DIS3L: variants seen among roughly 807,000 people sequenced by gnomAD.
DIS3L encodes DIS3-like exonuclease 1.
DIS3L carries 100 observed loss-of-function variants against 120.3 expected under a neutral mutation model. The observed-to-expected ratio is 0.83, with a 90% CI of 0.71 to 0.98. The LOEUF is 0.98. Ranked by LOEUF, DIS3L falls within the 50% of genes least tolerant of loss-of-function variation. DIS3L has a pLI of 0.00. For missense variants in DIS3L, 1,196 were observed against 1,314.2 expected, an observed-to-expected ratio of 0.91 and a Z score of 1.39; for synonymous variants, 426 against 470.6, an observed-to-expected ratio of 0.91 and a Z score of 1.23.
intron 12 of DIS3L, among the ~76,000 whole-genome samples, chr15:66,328,651 G>C (rs2092963721): frequency 6.6e-6 from 1 of 152,170 alleles, no homozygotes. Context: ...GAATGTTTAA[G>C]GTTAAGGATG....
chr15:66,327,011 C>A (rs2092946216), intron 12 of DIS3L, among the ~76,000 whole-genome samples: 1 of 151,708 alleles, frequency 6.6e-6, no homozygotes, highest in East Asian at 1.9e-4. Context: ...CTCACTGCAA[C>A]CTCCGCCTCC....
rs772112946 is a variant in DIS3L, at chr15:66,323,466, G to A, written c.1575-27G>A. The A allele has an allele frequency of 1.1e-5, 18 of 1,612,068 alleles. No homozygotes were observed. The Middle Eastern group carries it at 8.7e-4, about 78-fold the overall frequency. Reference sequence around the variant, plus strand: ...GTTCTGCTTCTCCCTGCTAAAGGTCGCGTTGCCGCGTGTGTGTCATTCACA... The same window carrying A: ...GTTCTGCTTCTCCCTGCTAAAGGTCACGTTGCCGCGTGTGTGTCATTCACA... On this transcript the variant is annotated intron_variant, in intron 10 of 16. Transcript: ENST00000319212.
intron 1 of DIS3L, 140 bp downstream of exon 1, chr15:66,293,875 C>T: frequency 4.7e-6 from 4 of 856,034 alleles, no homozygotes; most frequent in Non-Finnish European, 5.1e-6. Flanking sequence ...GCTCGCCGGC[C>T]TCACCCCCCG....
At chr15:66,299,445 C>T (rs2092623501) in intron 2 of DIS3L, among the ~76,000 whole-genome samples, 1 of 151,350 alleles carries the variant, frequency 6.6e-6, no homozygotes, top group African/African-American at 2.4e-5. Context: ...ACTCAGGAGG[C>T]TGAGGTGGGA....
chr15:66,305,137 A>G (rs556043513), intron 2 of DIS3L, among the ~76,000 whole-genome samples: 1 of 149,666 alleles, frequency 6.7e-6, no homozygotes, highest in East Asian at 2.0e-4. Flanking sequence ...AGTAGCTGGG[A>G]CTACAGGCAC....
At chr15:66,296,673 G>A (rs1387269326) in intron 2 of DIS3L, among the ~76,000 whole-genome samples, 3 of 151,936 alleles carry the variant, frequency 2.0e-5, no homozygotes, top group Admixed American at 6.6e-5. Context: ...ACAGGTGCAC[G>A]CCACCACGCC....
chr15:66,316,558 G>A (rs1465845401), intron 7 of DIS3L, among the ~76,000 whole-genome samples: 2 of 152,162 alleles, frequency 1.3e-5, no homozygotes, highest in South Asian at 2.1e-4. Context: ...GCTCATGCCT[G>A]TAATCCCAGC....
In DIS3L at chr15:66,328,987, C is replaced by T. The variant is rs372229333; in HGVS notation, c.2219C>T (p.Ala740Val). ...FIDTRSNKTL[A>V]DSLDNANDPH... ...TTTGTCAGGTCCAATAAAACACTGG[C>T]TGATTCTCTGGATAATGCGAACGAC... Residue 740 changes from alanine to valine, a missense_variant, in exon 13 of 17, where the codon GCT (alanine) becomes GTT (valine). By Grantham distance (64) the Ala-to-Val change is moderately conservative. Coordinates refer to ENST00000319212, the MANE Select transcript of DIS3L (RefSeq NM_001143688.3). 2.0e-5 allele frequency: 33 copies of T among 1,612,136 alleles called. No individual in the cohort carries two copies. Among genetic ancestry groups the T allele is most frequent in the Admixed American group, 6.8e-5 (4 of 59,226 alleles).
intron 2 of DIS3L, among the ~76,000 whole-genome samples, chr15:66,302,117 C>T (rs147908118): frequency 2.0e-5 from 3 of 152,108 alleles, no homozygotes; most frequent in East Asian, 1.9e-4. Context: ...ACGCCCAGCA[C>T]GTTGGGAGGC....
Position 66,333,637 on chromosome 15 carries a change from G to A in DIS3L, c.*325G>A, listed in dbSNP as rs2093027181. On this transcript the variant is annotated 3_prime_UTR_variant, in exon 17 of 17. Coordinates refer to ENST00000319212, the MANE Select transcript of DIS3L (RefSeq NM_001143688.3). ...CCAGCTACTTGGGAGGCTGAAGCAGGAGAATTGCCTGAACCCAGGAAGAGG... is the reference window on the plus strand; with the variant it reads ...CCAGCTACTTGGGAGGCTGAAGCAGAAGAATTGCCTGAACCCAGGAAGAGG... The A allele has an allele frequency of 5.9e-6, 1 of 168,436 alleles. No individual in the cohort carries two copies. The highest frequency in any genetic ancestry group is 1.3e-5 in the Non-Finnish European group (1 of 79,926). The allele number at this position is 168,436 out of a possible 1,614,324, so 10.4% of individuals were successfully genotyped here. A position where few individuals can be genotyped will look rare whatever the true frequency, so the allele number is the denominator to read the frequency against.
chr15:66,309,694 C>T (rs530645747), intron 4 of DIS3L, among the ~76,000 whole-genome samples: 3 of 152,274 alleles, frequency 2.0e-5, no homozygotes, highest in African/African-American at 4.8e-5. Context: ...TCCAGGCAAT[C>T]GGACCCCAAA....
chr15:66,324,561 G>A (rs73486056), intron 11 of DIS3L, among the ~76,000 whole-genome samples: 166 of 152,318 alleles, frequency 1.1e-3, no homozygotes, highest in African/African-American at 3.8e-3. Flanking sequence ...ATGTGCATTT[G>A]TGTTTAGATC....
chr15:66,307,022 G>C, intron 3 of DIS3L, 70 bp downstream of exon 3: 1 of 1,592,072 alleles, frequency 6.3e-7, no homozygotes, highest in South Asian at 1.1e-5. Flanking sequence ...GGCTGTTTGG[G>C]AGTTGATCTA....
intron 4 of DIS3L, among the ~76,000 whole-genome samples, chr15:66,309,081 G>C (rs1385171092): frequency 8.8e-4 from 1 of 1,132 alleles, no homozygotes; most frequent in Non-Finnish European, 2.8e-3. Flanking sequence ...TGTCTCTACA[G>C]AAAAAAAAAA....
intron 8 of DIS3L, among the ~76,000 whole-genome samples, chr15:66,319,987 G>C (rs2092863748): frequency 6.6e-6 from 1 of 151,158 alleles, no homozygotes; most frequent in South Asian, 2.1e-4. Flanking sequence ...AGGTGGGCAT[G>C]GTGGTACACG....
chr15:66,314,405 G>C (rs1196424221), intron 6 of DIS3L, among the ~76,000 whole-genome samples: 1 of 152,204 alleles, frequency 6.6e-6, no homozygotes, highest in African/African-American at 2.4e-5. Flanking sequence ...CAGTTTGGCT[G>C]TGATTTTAAC....
At chr15:66,315,240 G>C (rs577974782) in intron 7 of DIS3L, 25 bp downstream of exon 7, 2 of 1,557,392 alleles carry the variant, frequency 1.3e-6, no homozygotes, top group Non-Finnish European at 1.7e-6. Context: ...GAGCCACTCC[G>C]ATGTCCATTT....
intron 3 of DIS3L, among the ~76,000 whole-genome samples, chr15:66,307,492 G>A (rs879821472): frequency 3.9e-5 from 6 of 151,962 alleles, no homozygotes; most frequent in Non-Finnish European, 5.9e-5. Flanking sequence ...TGTAGAAACG[G>A]GGTCCCATTA....
intron 10 of DIS3L, 84 bp from the exon 11 acceptor site, chr15:66,323,409 C>T (rs910570383): frequency 7.1e-7 from 1 of 1,403,872 alleles, no homozygotes; most frequent in African/African-American, 1.4e-5. Flanking sequence ...AGATTTTGGC[C>T]ATTTACCTCC....
Sources: allele counts gnomAD v4.1 joint callset (sites outside exome capture counted in the v4.1 genomes callset), GRCh38; gene constraint gnomAD v4.1.1; transcripts MANE v1.5; gene names NCBI Gene and HGNC (gene_info 2026-07-23, HGNC 2026-07-21).